SH2B1: variants seen among roughly 807,000 people sequenced by gnomAD.
SH2B1 encodes the protein SH2B adapter protein 1.
SH2B1 carries 15 observed loss-of-function variants against 62.6 expected under a neutral mutation model. The ratio of observed to expected loss-of-function variants is 0.24; its 90% confidence interval spans 0.16 to 0.37. The LOEUF (loss-of-function observed/expected upper bound fraction) is 0.37. Ranked by LOEUF, SH2B1 falls within the 10% of genes least tolerant of loss-of-function variation. The pLI, the probability that SH2B1 is intolerant of heterozygous loss-of-function variation, is 1.00. For synonymous variants in SH2B1, 443 were observed against 438.0 expected, an observed-to-expected ratio of 1.01 and a Z score of -0.14; for missense variants, 925 against 1,015.6, an observed-to-expected ratio of 0.91 and a Z score of 1.21.
chr16:28,872,248 G>A lies in SH2B1; in HGVS notation c.1572G>A (p.Gly524=), dbSNP rs1173805486. 6.2e-7 allele frequency: 1 copy of A among 1,614,026 alleles called. No homozygotes were observed. Among genetic ancestry groups the A allele is most frequent in the Admixed American group, 1.7e-5 (1 of 60,014 alleles). ...EGGEGDQPLS[G]YPWFHGMLSR... ...GTGAGGGGGACCAGCCCCTCTCAGG[G>A]TATCCTTGGTTCCACGGGATGCTCT... The change falls in exon 6 of 8, where the codon GGG becomes GGA. Residue 524 remains glycine, a synonymous_variant. Transcript: ENST00000684370. The surrounding 1 kb of genome is among the most constrained non-coding windows in gnomAD (Gnocchi z 5.3).
chr16:28,849,076 A>G, intron 1 of SH2B1, among the ~76,000 whole-genome samples: 1 of 152,174 alleles, frequency 6.6e-6, no homozygotes, highest in East Asian at 1.9e-4. Flanking sequence ...CTGCTTAGGA[A>G]AGGCTGGTAT....
chr16:28,859,694 C>T (rs778202895), upstream of SH2B1, among the ~76,000 whole-genome samples: 1 of 149,586 alleles, frequency 6.7e-6, no homozygotes, highest in Non-Finnish European at 1.5e-5. Flanking sequence ...GGTGACAGAG[C>T]AAGACCCTGT....
chr16:28,864,913 A>T lies in SH2B1; in HGVS notation c.-1182A>T, dbSNP rs780685397. On this transcript the variant is annotated 5_prime_UTR_variant, in exon 1 of 8. Coordinates refer to ENST00000684370, the MANE Select transcript of SH2B1 (RefSeq NM_001387430.1). ...TACCCCATTCCATGTAATTCTCTCAACATTTCGAGGGGAGGGATCATTAGC... is the reference window on the plus strand; with the variant it reads ...TACCCCATTCCATGTAATTCTCTCATCATTTCGAGGGGAGGGATCATTAGC... The T allele has an allele frequency of 1.8e-4, 45 of 254,218 alleles. No individual in the cohort carries two copies. Among genetic ancestry groups the T allele is most frequent in the Non-Finnish European group, 3.7e-5 (6 of 161,448 alleles). The allele number at this position is 254,218 out of a possible 1,614,324, so 15.7% of individuals were successfully genotyped here. A position where few individuals can be genotyped will look rare whatever the true frequency, so the allele number is the denominator to read the frequency against.
At position 28,852,724 on chromosome 16, in the gene SH2B1, TTATATATATACATA is replaced by T. The variant is rs1314167415; in HGVS notation, c.-301+5905_-301+5918del. 2.9e-5 allele frequency among the ~76,000 whole-genome samples: 2 copies of T among 69,556 alleles called. 1 individual carries two copies. Among genetic ancestry groups the T allele is most frequent in the Non-Finnish European group, 4.8e-5 (2 of 41,744 alleles). 45.6% of individuals were successfully genotyped at this position (69,556 alleles called of 152,430 possible). The stretch of plus-strand genomic sequence containing the variant: ...TATACATATATATTTACATATATAT[TTATATATATACATA>T]TATATATTTACATATATATGTATAT... On this transcript the variant is annotated intron_variant, in intron 1 of 10. Transcript: ENST00000322610.
chr16:28,863,770 C>T (rs1962531261), upstream of SH2B1: 8 of 1,535,566 alleles, frequency 5.2e-6, no homozygotes, highest in East Asian at 2.0e-4. Flanking sequence ...TATGAAGGTG[C>T]CCTTCCCTCC....
chr16:28,850,410 A>G (rs373164232), intron 1 of SH2B1, among the ~76,000 whole-genome samples: 1 of 152,202 alleles, frequency 6.6e-6, no homozygotes, highest in African/African-American at 2.4e-5. Flanking sequence ...ATAAAAATAA[A>G]AAAATTTGCC....
Position 28,872,841 on chromosome 16 carries a change from T to C in SH2B1, c.1897+136T>C. 4 of 1,183,138 alleles carry C rather than the reference T, an allele frequency of 3.4e-6. No homozygotes were observed. Among genetic ancestry groups the C allele is most frequent in the Non-Finnish European group, 4.9e-6 (4 of 816,596 alleles). 73.3% of individuals were successfully genotyped at this position (1,183,138 alleles called of 1,614,324 possible). A position where few individuals can be genotyped will look rare whatever the true frequency, so the allele number is the denominator to read the frequency against. ...CTTGGGAGAGCAGGGTAGAGGAGGC[T>C]GTTGTGCCTCGGGGTTTGGAAGGGA... is the stretch of plus-strand genomic sequence containing the variant. On this transcript the variant is annotated intron_variant, in intron 7 of 7. Coordinates refer to ENST00000684370, the MANE Select transcript of SH2B1 (RefSeq NM_001387430.1). This position sits in a 1 kb window ranked among gnomAD's most constrained non-coding sequence, Gnocchi z 5.3.
chr16:28,867,126 C>T (rs1962759234), intron 1 of SH2B1, 93 bp downstream of exon 1: 1 of 1,538,908 alleles, frequency 6.5e-7, no homozygotes, highest in South Asian at 1.1e-5. Context: ...GTTTACCAGC[C>T]CATGGCCCTG....
Position 28,869,228 on chromosome 16 carries a change from C to A in SH2B1, c.1154C>A (p.Pro385His). The change falls in exon 4 of 8, where the codon CCC (proline) becomes CAC (histidine). Residue 385 changes from proline (P) to histidine (H), a missense_variant. Around this residue, in one of 3 missense-constraint regions of SH2B1, gnomAD observed 683 missense variants for 704.0 expected, o/e 0.97. Transcript: ENST00000684370. Reference sequence around the variant, plus strand: ...TGCAGACCCTGCCCTGCTACCAGTCCCCGCCCCATGACCCTCCCTCTGGCC... The same window carrying A: ...TGCAGACCCTGCCCTGCTACCAGTCACCGCCCCATGACCCTCCCTCTGGCC... ...LSPGPCPATS[P>H]RPMTLPLAPG... 1 of 1,614,132 alleles carries A rather than the reference C, an allele frequency of 6.2e-7. No homozygotes were observed. The highest frequency in any genetic ancestry group is 2.2e-5 in the East Asian group (1 of 44,876).
chr16:28,866,119 G>T lies in SH2B1; in HGVS notation c.25G>T (p.Asp9Tyr). MNGAPSPE[D>Y]GASPSSPPLP... is the part of the protein sequence containing the mutation. The stretch of plus-strand genomic sequence containing the variant: ...CATGAATGGTGCCCCTTCCCCAGAG[G>T]ACGGGGCCTCCCCCTCGTCTCCCCC... Residue 9 changes from aspartate (D) to tyrosine (Y), a missense_variant, in exon 1 of 8, where the codon GAC becomes TAC. Physicochemically the swap from Asp to Tyr is radical, Grantham distance 160. Coordinates refer to ENST00000684370, the MANE Select transcript of SH2B1 (RefSeq NM_001387430.1). The surrounding 1 kb of genome is among the most constrained non-coding windows in gnomAD (Gnocchi z 6.3). 1 of 1,587,314 alleles carries T rather than the reference G, an allele frequency of 6.3e-7. No homozygotes were observed.
Position 28,866,745 on chromosome 16 carries a change from A to C in SH2B1, c.651A>C (p.Gly217=). 6.3e-7 allele frequency: 1 copy of C among 1,579,220 alleles called. No homozygotes were observed. The highest frequency in any genetic ancestry group is 8.6e-7 in the Non-Finnish European group (1 of 1,163,590). ...TTGGTAGGGGACTGGTCAGTGATGG[A>C]ACGTCCCCTGGGGAAAGATGGACTC... ...GTVGRGLVSD[G]TSPGERWTHR... The change falls in exon 1 of 8, where the codon GGA becomes GGC. Residue 217 remains glycine, a synonymous_variant. Coordinates refer to ENST00000684370, the MANE Select transcript of SH2B1 (RefSeq NM_001387430.1). This position sits in a 1 kb window ranked among gnomAD's most constrained non-coding sequence, Gnocchi z 6.3.
chr16:28,865,338 A>G lies in SH2B1; in HGVS notation c.-757A>G, dbSNP rs772387706. The G allele has an allele frequency of 5.9e-5, 58 of 985,528 alleles. No individual in the cohort carries two copies. The highest frequency in any genetic ancestry group is 1.1e-4 in the East Asian group (1 of 8,970). 61.0% of individuals were successfully genotyped at this position (985,528 alleles called of 1,614,324 possible). On this transcript the variant is annotated 5_prime_UTR_variant, in exon 1 of 8. Transcript: ENST00000684370. ...GACTCTGGGGTCAGCTTTCAAGACAATTACTGTTTTGGTCCATCATGCATC... is the reference window on the plus strand; with the variant it reads ...GACTCTGGGGTCAGCTTTCAAGACAGTTACTGTTTTGGTCCATCATGCATC...
In SH2B1 at chr16:28,852,816, T is replaced by A. The variant is rs1303551863; in HGVS notation, c.-301+5989T>A. Among the ~76,000 whole-genome samples, 9 of 53,396 alleles carry A rather than the reference T, an allele frequency of 1.7e-4. 2 individuals carry two copies. Among genetic ancestry groups the A allele is most frequent in the Admixed American group, 6.9e-4 (2 of 2,896 alleles). 35.0% of individuals were successfully genotyped at this position (53,396 alleles called of 152,430 possible). The stretch of plus-strand genomic sequence containing the variant: ...TATTTACATATATATTTACATATAT[T>A]TACATATATATTTATATATATATAC... On this transcript the variant is annotated intron_variant, in intron 1 of 10. Transcript: ENST00000322610.
At chr16:28,867,618 A>G (rs1962791020) in intron 2 of SH2B1, among the ~76,000 whole-genome samples, 186 bp downstream of exon 2, 1 of 152,192 alleles carries the variant, frequency 6.6e-6, no homozygotes, top group Non-Finnish European at 1.5e-5. Context: ...TCTCAAAAAC[A>G]ATGCCTCCAC....
In SH2B1 at chr16:28,852,407, C is replaced by T. The variant is rs1208866725; in HGVS notation, c.-301+5580C>T. The stretch of plus-strand genomic sequence containing the variant: ...ATTTATATATATACATATATATTTA[C>T]ATATATATTTATATATTTACATATA... On this transcript the variant is annotated intron_variant, in intron 1 of 10. Coordinates refer to the SH2B1 transcript ENST00000322610. Among the ~76,000 whole-genome samples, 47 of 14,446 alleles carry T rather than the reference C, an allele frequency of 3.3e-3. 5 individuals carry two copies. The highest frequency in any genetic ancestry group is 0.022 in the South Asian group (4 of 182). 9.5% of individuals were successfully genotyped at this position (14,446 alleles called of 152,430 possible).
chr16:28,865,898 T>C lies in SH2B1; in HGVS notation c.-197T>C. 7.3e-7 allele frequency: 1 copy of C among 1,374,982 alleles called. No individual in the cohort carries two copies. Among genetic ancestry groups the C allele is most frequent in the Non-Finnish European group, 9.4e-7 (1 of 1,069,316 alleles). 85.2% of individuals were successfully genotyped at this position (1,374,982 alleles called of 1,614,324 possible). A position where few individuals can be genotyped will look rare whatever the true frequency, so the allele number is the denominator to read the frequency against. ...GGGAGGTGTTGGGCTCCCTTCCCCA[T>C]TGCTCTCTGCGGAGTCTGAAGTAGG... On this transcript the variant is annotated 5_prime_UTR_variant, in exon 1 of 8. Coordinates refer to ENST00000684370, the MANE Select transcript of SH2B1 (RefSeq NM_001387430.1).
rs371668373 is a variant in SH2B1 at position 28,852,491 on chromosome 16, T to TAC, written c.-301+5666_-301+5667dup. ...ATATACATATATATTTATATATACA[T>TAC]ACATATATTTATATATATACACATA... On this transcript the variant is annotated intron_variant, in intron 1 of 10. Transcript: ENST00000322610. 1.3e-4 allele frequency among the ~76,000 whole-genome samples: 3 copies of TAC among 22,268 alleles called. 1 individual carries two copies. Among genetic ancestry groups the TAC allele is most frequent in the African/African-American group, 8.4e-4 (3 of 3,564 alleles). The allele number at this position is 22,268 out of a possible 152,430, so 14.6% of individuals were successfully genotyped here. A position where few individuals can be genotyped will look rare whatever the true frequency, so the allele number is the denominator to read the frequency against.
chr16:28,861,933 A>G (rs1962456601), upstream of SH2B1, among the ~76,000 whole-genome samples: 1 of 152,216 alleles, frequency 6.6e-6, no homozygotes, highest in Non-Finnish European at 1.5e-5. Context: ...ACAAGAAGCT[A>G]TTTTGCCACT....
chr16:28,863,631 C>G, upstream of SH2B1: 2 of 1,508,748 alleles, frequency 1.3e-6, no homozygotes, highest in Non-Finnish European at 1.8e-6. Context: ...TGGTGGGATC[C>G]AAGCACTTCC....
Sources: gnomAD v4.1 joint callset for allele counts (sites outside exome capture counted in the v4.1 genomes callset) on GRCh38, gnomAD v4.1.1 for gene constraint, gnomAD v4.1.1 regional missense constraint, Gnocchi (gnomAD v3.1) non-coding constraint, MANE v1.5 for transcripts, NCBI Gene and HGNC (gene_info 2026-07-23, HGNC 2026-07-21) for gene names.